UNC13C: variants seen among roughly 807,000 people sequenced by gnomAD.
The protein encoded by UNC13C is unc-13 homolog C.
In UNC13C, 174 loss-of-function variants were observed where a neutral mutation model predicts 245.4. That is an observed-to-expected ratio of 0.71 (90% confidence interval 0.63 to 0.80). UNC13C has a LOEUF of 0.80. UNC13C is among the 30% of genes least tolerant of loss of function. The pLI, the probability that UNC13C is intolerant of heterozygous loss-of-function variation, is 0.00. For synonymous variants in UNC13C, 992 were observed against 895.1 expected, an observed-to-expected ratio of 1.11 and a Z score of -1.93; for missense variants, 2,829 against 2,602.9, an observed-to-expected ratio of 1.09 and a Z score of -1.89.
chr15:54,323,157 T>C (rs895501956), intron 14 of UNC13C, among the ~76,000 whole-genome samples: 1 of 151,978 alleles, frequency 6.6e-6, no homozygotes, highest in Admixed American at 6.6e-5. Flanking sequence ...TTTTGAGTTA[T>C]GTGTCATAGA....
chr15:54,608,349 C>G (rs946479512), intron 30 of UNC13C, among the ~76,000 whole-genome samples: 2 of 152,118 alleles, frequency 1.3e-5, no homozygotes, highest in Non-Finnish European at 2.9e-5. Context: ...GTGACTATTT[C>G]CAAAGATAAT....
chr15:54,494,932 A>C (rs1045352644), intron 20 of UNC13C, among the ~76,000 whole-genome samples, 198 bp downstream of exon 20: 2 of 152,052 alleles, frequency 1.3e-5, no homozygotes, highest in African/African-American at 2.4e-5. Flanking sequence ...TATTTCAAAT[A>C]CGCCCTACCT....
chr15:54,322,221 G>A, intron 14 of UNC13C, 126 bp downstream of exon 14: 2 of 856,692 alleles, frequency 2.3e-6, no homozygotes, highest in African/African-American at 1.8e-5. Flanking sequence ...ATAGCGTAAT[G>A]GGTTCCAGCT....
At position 54,435,833 on chromosome 15, in the gene UNC13C, A is replaced by G. The variant is rs554157283; in HGVS notation, c.4933+20766A>G. 3.3e-5 allele frequency among the ~76,000 whole-genome samples: 5 copies of G among 152,034 alleles called. No individual in the cohort carries two copies. In the South Asian group the frequency reaches 1.0e-3, roughly 32 times the overall value. On this transcript the variant is annotated intron_variant, in intron 19 of 32. Transcript: ENST00000260323. ...AAAACTTTTGCAATCTATCCATCTG[A>G]CAAAGGGCTAATATCCAGAATCTAC...
chr15:54,280,005 C>G (rs1407971783), intron 10 of UNC13C, among the ~76,000 whole-genome samples: 1 of 152,090 alleles, frequency 6.6e-6, no homozygotes, highest in Non-Finnish European at 1.5e-5. Flanking sequence ...GAAGGGTAAG[C>G]ACATACGTGT....
chr15:53,953,600 G>T, the UNC13C span, among the ~76,000 whole-genome samples: 1 of 152,222 alleles, frequency 6.6e-6, no homozygotes, highest in Non-Finnish European at 1.5e-5. Flanking sequence ...GGGGGCAGTT[G>T]CTTTGTGGCA....
intron 30 of UNC13C, among the ~76,000 whole-genome samples, chr15:54,570,707 T>C (rs1357223371): frequency 6.6e-6 from 1 of 152,096 alleles, no homozygotes; most frequent in Non-Finnish European, 1.5e-5. Flanking sequence ...GCAAGAGAGA[T>C]CGATGAAAAT....
intron 10 of UNC13C, among the ~76,000 whole-genome samples, chr15:54,273,579 G>T (rs2036749591): frequency 6.6e-6 from 1 of 152,112 alleles, no homozygotes; most frequent in Non-Finnish European, 1.5e-5. Flanking sequence ...TGGGTTATTG[G>T]TCTATCAATG....
At chr15:54,621,610 T>G (rs1900800946) in intron 30 of UNC13C, among the ~76,000 whole-genome samples, 1 of 152,142 alleles carries the variant, frequency 6.6e-6, no homozygotes, top group Non-Finnish European at 1.5e-5. Context: ...ATGTGTATGT[T>G]CATAAAAGAT....
At chr15:53,970,501 A>G in the UNC13C span, among the ~76,000 whole-genome samples, 2 of 152,222 alleles carry the variant, frequency 1.3e-5, no homozygotes, top group African/African-American at 4.8e-5. Context: ...GGCATTGAGT[A>G]CAGTTATGCA....
chr15:54,552,550 T>TA (rs1243599176), intron 28 of UNC13C, among the ~76,000 whole-genome samples: 65 of 79,536 alleles, frequency 8.2e-4, no homozygotes, highest in Admixed American at 3.9e-3. Flanking sequence ...TATATTATAT[T>TA]GTATATAATT....
intron 8 of UNC13C, among the ~76,000 whole-genome samples, chr15:54,256,862 G>A (rs564797226): frequency 6.6e-6 from 1 of 152,278 alleles, no homozygotes; most frequent in South Asian, 2.1e-4. Context: ...TTTACGCAGT[G>A]CTATGTTTTT....
At chr15:54,185,878 G>A (rs1054935424) in intron 4 of UNC13C, among the ~76,000 whole-genome samples, 21 of 150,928 alleles carry the variant, frequency 1.4e-4, no homozygotes, top group African/African-American at 3.7e-4. Flanking sequence ...CCATTTTCAC[G>A]ATATTGATTC....
the UNC13C span, among the ~76,000 whole-genome samples, chr15:53,930,754 C>T: frequency 1.9e-4 from 29 of 152,290 alleles, no homozygotes; most frequent in African/African-American, 6.5e-4. Flanking sequence ...CTAAAGATTA[C>T]ATTTCTACTA....
the UNC13C span, among the ~76,000 whole-genome samples, chr15:53,864,536 A>C: frequency 6.6e-6 from 1 of 152,224 alleles, no homozygotes; most frequent in East Asian, 1.9e-4. Flanking sequence ...ATTAAAGGCA[A>C]TATAGGCCTC....
chr15:54,286,218 T>C (rs1278686637), intron 10 of UNC13C, among the ~76,000 whole-genome samples: 1 of 152,228 alleles, frequency 6.6e-6, no homozygotes, highest in African/African-American at 2.4e-5. Context: ...TAATAAAAGC[T>C]GGTACAATAC....
chr15:54,187,465 G>T (rs1052493667), intron 4 of UNC13C, among the ~76,000 whole-genome samples: 3 of 151,966 alleles, frequency 2.0e-5, no homozygotes, highest in African/African-American at 7.3e-5. Context: ...CTTTAGTTTT[G>T]CTCTTTGAAT....
intron 4 of UNC13C, among the ~76,000 whole-genome samples, chr15:54,227,282 C>T (rs914152260): frequency 6.6e-6 from 1 of 152,138 alleles, no homozygotes; most frequent in Non-Finnish European, 1.5e-5. Context: ...GGAAAAAGCA[C>T]CATAAGTTCT....
chr15:54,546,893 G>C, intron 27 of UNC13C, 48 bp downstream of exon 27: 1 of 1,502,200 alleles, frequency 6.7e-7, no homozygotes, highest in Non-Finnish European at 8.9e-7. Context: ...ATCTGTTTTT[G>C]GTTTAAGTGA....
Sources: allele counts gnomAD v4.1 joint callset (sites outside exome capture counted in the v4.1 genomes callset), GRCh38; gene constraint gnomAD v4.1.1; transcripts MANE v1.5; gene names NCBI Gene and HGNC (gene_info 2026-07-23, HGNC 2026-07-21).